PAK5: variants seen among roughly 807,000 people sequenced by gnomAD.
PAK5 encodes p21 (RAC1) activated kinase 5.
Under a neutral mutation model 65.9 loss-of-function variants are expected in PAK5, and 16 were observed. The ratio of observed to expected loss-of-function variants is 0.24; its 90% confidence interval spans 0.16 to 0.37. The LOEUF is 0.37. Among genes scored for constraint, PAK5 ranks in the 10% least tolerant of loss-of-function variants. The pLI, the probability that PAK5 is intolerant of heterozygous loss-of-function variation, is 1.00. For synonymous variants in PAK5, 371 were observed against 354.9 expected, an observed-to-expected ratio of 1.05 and a Z score of -0.51; for missense variants, 785 against 903.9, an observed-to-expected ratio of 0.87 and a Z score of 1.69.
At chr20:9,672,939 G>A (rs954391668) in intron 2 of PAK5, among the ~76,000 whole-genome samples, 5 of 152,136 alleles carry the variant, frequency 3.3e-5, no homozygotes, top group African/African-American at 9.7e-5. Context: ...GATGGGAAAT[G>A]TCTATTAGAT....
chr20:9,766,630 C>T (rs2048771829), intron 1 of PAK5, among the ~76,000 whole-genome samples: 1 of 149,694 alleles, frequency 6.7e-6, no homozygotes, highest in Non-Finnish European at 1.5e-5. Context: ...ATCCCACAAA[C>T]ATAATGAGTA....
intron 4 of PAK5, among the ~76,000 whole-genome samples, chr20:9,571,072 A>C (rs2045773068): frequency 6.6e-6 from 1 of 152,234 alleles, no homozygotes. Context: ...ACAGACTCTT[A>C]AGCAATGGTT....
intron 3 of PAK5, among the ~76,000 whole-genome samples, chr20:9,638,147 TAC>T (rs112280722): frequency 2.6e-4 from 39 of 152,354 alleles, no homozygotes; most frequent in Middle Eastern, 3.4e-3. Flanking sequence ...GTTTGAGAAT[TAC>T]TGGCCAATCA....
intron 5 of PAK5, 136 bp from the exon 6 acceptor site, chr20:9,563,160 C>A: frequency 2.5e-6 from 2 of 794,420 alleles, no homozygotes; most frequent in Non-Finnish European, 4.1e-6. Context: ...AAATCTATTA[C>A]AGACAAAAAG....
chr20:9,689,572 T>C (rs2047764584), intron 2 of PAK5, among the ~76,000 whole-genome samples: 1 of 152,180 alleles, frequency 6.6e-6, no homozygotes, highest in African/African-American at 2.4e-5. Flanking sequence ...AAGTGTTTAA[T>C]GATTTGGAAC....
intron 2 of PAK5, among the ~76,000 whole-genome samples, chr20:9,669,842 T>C (rs2123363004): frequency 6.6e-6 from 1 of 152,298 alleles, no homozygotes; most frequent in South Asian, 2.1e-4. Flanking sequence ...TACATACGTA[T>C]ACATGTGCCA....
intron 3 of PAK5, among the ~76,000 whole-genome samples, chr20:9,622,265 C>G (rs60194752): frequency 6.6e-5 from 10 of 152,146 alleles, no homozygotes; most frequent in Admixed American, 6.5e-4. Flanking sequence ...TCTAGATCTT[C>G]CCTTTCAATA....
In PAK5 at chr20:9,562,785, T is replaced by A. The variant is rs145032251; in HGVS notation, c.1616+106A>T. 11 of 976,522 alleles carry A rather than the reference T, an allele frequency of 1.1e-5. No individual in the cohort carries two copies. In the Admixed American group the frequency reaches 1.8e-4, roughly 16 times the overall value. The allele number at this position is 976,522 out of a possible 1,614,324, so 60.5% of individuals were successfully genotyped here. On this transcript the variant is annotated intron_variant, in intron 6 of 9. Coordinates refer to ENST00000353224, the MANE Select transcript of PAK5 (RefSeq NM_177990.4). ...TAGGGGAAAGGGTAGTCATATTCCC[T>A]GACTCCAAAGTGCCTGCAATTTATG...
intron 6 of PAK5, among the ~76,000 whole-genome samples, chr20:9,562,150 T>C (rs1467114251): frequency 6.6e-6 from 1 of 152,198 alleles, no homozygotes; most frequent in Non-Finnish European, 1.5e-5. Context: ...TTATTGACTC[T>C]TTCTGAGAGA....
intron 3 of PAK5, among the ~76,000 whole-genome samples, chr20:9,598,380 C>T (rs2046307724): frequency 6.6e-6 from 1 of 152,070 alleles, no homozygotes; most frequent in Admixed American, 6.6e-5. Flanking sequence ...TTGGCTTGAT[C>T]CCGTGTCTTT....
chr20:9,719,511 T>C (rs566056394), intron 1 of PAK5, among the ~76,000 whole-genome samples: 1 of 152,140 alleles, frequency 6.6e-6, no homozygotes, highest in South Asian at 2.1e-4. Context: ...TGAACTATAC[T>C]ATTATCACAT....
intron 4 of PAK5, among the ~76,000 whole-genome samples, chr20:9,572,422 C>G (rs2045805718): frequency 6.6e-6 from 1 of 152,176 alleles, no homozygotes; most frequent in South Asian, 2.1e-4. Context: ...TACTGTTTTA[C>G]ACACACATGT....
In PAK5 at chr20:9,546,086, T is replaced by C. The variant is rs555390440; in HGVS notation, c.1744-1592A>G. Among the ~76,000 whole-genome samples the C allele has an allele frequency of 9.2e-5, 14 of 152,238 alleles. No homozygotes were observed. In the South Asian group the frequency reaches 2.7e-3, roughly 29 times the overall value. ...CAAGTGCATTAATATATTATAAAGATCAGGATTCAGCAGGGAGGTCTGACC... is the reference window on the plus strand; with the variant it reads ...CAAGTGCATTAATATATTATAAAGACCAGGATTCAGCAGGGAGGTCTGACC... On this transcript the variant is annotated intron_variant, in intron 7 of 9. Coordinates refer to ENST00000353224, the MANE Select transcript of PAK5 (RefSeq NM_177990.4).
In PAK5 at chr20:9,580,000, A is replaced by G. The variant is rs956763598; in HGVS notation, c.990+145T>C. On this transcript the variant is annotated intron_variant, in intron 4 of 9. Transcript: ENST00000353224. ...TAAACCTCTGCCCTGGGGCCTCACA[A>G]GTGGAGATAGGGTGGGTTTTGATAT... The G allele has an allele frequency of 4.8e-6, 3 of 631,354 alleles. No homozygotes were observed. In the African/African-American group the frequency reaches 5.4e-5, roughly 11 times the overall value. 39.1% of individuals were successfully genotyped at this position (631,354 alleles called of 1,614,324 possible). A position where few individuals can be genotyped will look rare whatever the true frequency, so the allele number is the denominator to read the frequency against.
intron 1 of PAK5, among the ~76,000 whole-genome samples, chr20:9,749,649 T>G (rs2048551684): frequency 6.6e-6 from 1 of 152,186 alleles, no homozygotes; most frequent in Admixed American, 6.6e-5. Context: ...TCCTGCCTTT[T>G]ATAATATTTA....
At chr20:9,617,729 G>C (rs1274141247) in intron 3 of PAK5, among the ~76,000 whole-genome samples, 1 of 151,524 alleles carries the variant, frequency 6.6e-6, no homozygotes, top group Non-Finnish European at 1.5e-5. Flanking sequence ...CTGATTTTTT[G>C]TATTTTTAGT....
At chr20:9,671,533 T>G (rs7345944) in intron 2 of PAK5, among the ~76,000 whole-genome samples, 15,964 of 151,320 alleles carry the variant, frequency 0.11, 1,207 homozygotes, top group African/African-American at 0.22. Flanking sequence ...TCTCTTTGAA[T>G]CAATTGTGAA....
intron 2 of PAK5, among the ~76,000 whole-genome samples, chr20:9,665,648 ATTTCT>A (rs925130286): frequency 2.0e-5 from 3 of 146,756 alleles, no homozygotes; most frequent in African/African-American, 5.0e-5. Context: ...AGGTCTCAAT[ATTTCT>A]TTTCTTTTCT....
chr20:9,671,448 A>C (rs2047496887), intron 2 of PAK5, among the ~76,000 whole-genome samples: 2 of 151,772 alleles, frequency 1.3e-5, no homozygotes, highest in African/African-American at 2.4e-5. Flanking sequence ...CTTTTATTTC[A>C]TTGAGCAGTG....
Sources: gnomAD v4.1 joint callset for allele counts (sites outside exome capture counted in the v4.1 genomes callset) on GRCh38, gnomAD v4.1.1 for gene constraint, MANE v1.5 for transcripts, NCBI Gene and HGNC (gene_info 2026-07-23, HGNC 2026-07-21) for gene names.